DMPK: variants seen among roughly 807,000 people sequenced by gnomAD.
DMPK encodes myotonin-protein kinase.
A neutral mutation model predicts 70.3 loss-of-function variants in DMPK; 32 were observed. The observed-to-expected ratio is 0.46, with a 90% CI of 0.34 to 0.61. The LOEUF is 0.61. DMPK is among the 20% of genes least tolerant of loss of function. DMPK has a pLI of 0.01. For missense variants in DMPK, 899 were observed against 886.0 expected (o/e 1.01, Z -0.19); for synonymous variants, 469 against 390.9 (o/e 1.20, Z -2.36).
rs202071119 is a variant in DMPK, at chr19:45,771,335, A to G, written c.1647+15T>C. On this transcript the variant is annotated intron_variant, in intron 13 of 14. Coordinates refer to ENST00000291270, the MANE Select transcript of DMPK (RefSeq NM_004409.5). ...GGGCAGCAGGTCTGAGGCAGGGGAA[A>G]GAGAGGGGTCTTACATGGGAAGGTG... The G allele has an allele frequency of 5.5e-5, 88 of 1,585,780 alleles. 1 individual carries two copies. Among genetic ancestry groups the G allele is most frequent in the Admixed American group, 4.9e-4 (25 of 51,264 alleles).
At chr19:45,775,522 G>GTT (rs1228015501) in intron 8 of DMPK, among the ~76,000 whole-genome samples, 1 of 95,256 alleles carries the variant, frequency 1.0e-5, no homozygotes, top group Non-Finnish European at 2.2e-5. Context: ...GCCCAGTTCT[G>GTT]TTTTTTTTTT....
chr19:45,772,026 T>G, intron 10 of DMPK, 98 bp from the exon 11 acceptor site: 1 of 1,408,524 alleles, frequency 7.1e-7, no homozygotes, highest in Non-Finnish European at 9.4e-7. Context: ...TATCCCCTAC[T>G]CCTCCGTCCC....
chr19:45,780,040 G>A, intron 1 of DMPK, 171 bp from the exon 2 acceptor site: 1 of 1,540,646 alleles, frequency 6.5e-7, no homozygotes, highest in Non-Finnish European at 8.8e-7. Context: ...AGGTTCTGGG[G>A]GCCAAAAATG....
chr19:45,782,171 A>T, intron 1 of DMPK, 22 bp downstream of exon 1: 1 of 1,039,236 alleles, frequency 9.6e-7, no homozygotes, highest in Non-Finnish European at 1.2e-6. Flanking sequence ...CATCTGCAGG[A>T]GCCCCGAGGG....
intron 10 of DMPK, 39 bp downstream of exon 10, chr19:45,772,602 A>T: frequency 1.4e-6 from 2 of 1,396,442 alleles, no homozygotes; most frequent in African/African-American, 1.5e-5. Flanking sequence ...TTTCTCTCCC[A>T]ATTGTCCCTG....
At chr19:45,770,772 TTG>T (rs1304471017) in intron 14 of DMPK, 132 bp from the exon 15 acceptor site, 40 of 1,141,696 alleles carry the variant, frequency 3.5e-5, no homozygotes, top group Middle Eastern at 5.5e-4. Flanking sequence ...CCTACAGCTG[TTG>T]TTAGTCCACT....
rs989128105 is a variant in DMPK at position 45,770,350 on chromosome 19, G to A, written c.*138C>T. 8.9e-6 allele frequency: 11 copies of A among 1,233,024 alleles called. No individual in the cohort carries two copies. Among genetic ancestry groups the A allele is most frequent in the East Asian group, 2.5e-5 (1 of 39,244 alleles). The allele number at this position is 1,233,024 out of a possible 1,614,324, so 76.4% of individuals were successfully genotyped here. ...TCCCCGGCCGCTAGGGGGCGGGCCCGGATCACAGGACTGGAGCTGGGCGGA... is the reference window on the plus strand; with the variant it reads ...TCCCCGGCCGCTAGGGGGCGGGCCCAGATCACAGGACTGGAGCTGGGCGGA... On this transcript the variant is annotated 3_prime_UTR_variant, in exon 15 of 15. Coordinates refer to ENST00000291270, the MANE Select transcript of DMPK (RefSeq NM_004409.5).
chr19:45,778,017 T>C, intron 6 of DMPK, 110 bp downstream of exon 6: 2 of 1,229,502 alleles, frequency 1.6e-6, no homozygotes, highest in Non-Finnish European at 1.2e-6. Context: ...CACTTAAGCC[T>C]GGGTCACACC....
chr19:45,771,201 G>C (rs1459719539), intron 13 of DMPK, 141 bp from the exon 14 acceptor site: 3 of 1,226,138 alleles, frequency 2.4e-6, no homozygotes, highest in African/African-American at 1.5e-5. Context: ...TGAACGGAGG[G>C]AGATCTGGGG....
chr19:45,770,225 GC>G lies in DMPK; in HGVS notation c.*262del. 2 of 146,492 alleles carry G rather than the reference GC, an allele frequency of 1.4e-5. 1 individual carries two copies. Among genetic ancestry groups the G allele is most frequent in the Non-Finnish European group, 1.6e-5 (2 of 124,058 alleles). 9.1% of individuals were successfully genotyped at this position (146,492 alleles called of 1,614,324 possible). On this transcript the variant is annotated 3_prime_UTR_variant, in exon 15 of 15. Transcript: ENST00000291270. The stretch of plus-strand genomic sequence containing the variant: ...CCCCCCAGCAGCAGCAGCAGCAGCA[GC>G]AGCAGCAGCAGCAGCAGCAGCAGCA...
In DMPK at chr19:45,777,751, T is replaced by C; in HGVS notation, c.798A>G (p.Val266=). The change falls in exon 7 of 15, where the codon GTA becomes GTG. Residue 266 remains valine, a synonymous_variant. Transcript: ENST00000291270. This position sits in a 1 kb window ranked among gnomAD's most constrained non-coding sequence, Gnocchi z 6.7. ...GPECDWWALG[V]FAYEMFYGQT... ...GCCCATAGAACATTTCATAGGCGAA[T>C]ACACCCAGCGCCCACCAGTCACACT... The C allele has an allele frequency of 1.9e-6, 3 of 1,613,424 alleles. No homozygotes were observed. The highest frequency in any genetic ancestry group is 2.5e-6 in the Non-Finnish European group (3 of 1,180,018).
intron 1 of DMPK, 168 bp from the exon 2 acceptor site, chr19:45,780,037 G>A (rs1970031379): frequency 6.5e-7 from 1 of 1,542,758 alleles, no homozygotes. Flanking sequence ...GTAAGGTTCT[G>A]GGGGCCAAAA....
rs1472741230 is a variant in DMPK at position 45,777,248 on chromosome 19, T to C, written c.1146+79A>G. 3 of 1,459,212 alleles carry C rather than the reference T, an allele frequency of 2.1e-6. No homozygotes were observed. The highest frequency in any genetic ancestry group is 2.7e-6 in the Non-Finnish European group (3 of 1,106,086). 90.4% of individuals were successfully genotyped at this position (1,459,212 alleles called of 1,614,324 possible). A position where few individuals can be genotyped will look rare whatever the true frequency, so the allele number is the denominator to read the frequency against. On this transcript the variant is annotated intron_variant, in intron 8 of 14. Transcript: ENST00000291270. This position sits in a 1 kb window ranked among gnomAD's most constrained non-coding sequence, Gnocchi z 6.7. ...ATGAGTGATTCAGGACCCCAGAAGG[T>C]AGGCACTGTCCTTACTCCAACTTTA...
At chr19:45,781,774 G>A (rs988826704) in intron 1 of DMPK, among the ~76,000 whole-genome samples, 1 of 152,136 alleles carries the variant, frequency 6.6e-6, no homozygotes, top group Non-Finnish European at 1.5e-5. Flanking sequence ...CCCCATGCTG[G>A]CCCTCCTGGC....
Position 45,779,287 on chromosome 19 carries a change from C to T in DMPK, c.409G>A (p.Ala137Thr), listed in dbSNP as rs774435498. The T allele has an allele frequency of 8.1e-6, 13 of 1,614,010 alleles. No homozygotes were observed. The highest frequency in any genetic ancestry group is 4.5e-5 in the East Asian group (2 of 44,880). ...DRRWITQLHF[A>T]FQDENYLYLV... The stretch of plus-strand genomic sequence containing the variant: ...ACCAGGTAGTTCTCATCCTGGAAGG[C>T]GAAGTGCAGCTGCGTGATCCACCGC... Residue 137 changes from alanine (A) to threonine (T), a missense_variant, in exon 4 of 15, where the codon GCC becomes ACC. Ala to Thr is a moderately conservative substitution (Grantham distance 58, BLOSUM62 0). This residue lies in a region of DMPK where 195 missense variants were observed against 259.7 expected (regional missense o/e 0.75). Coordinates refer to ENST00000291270, the MANE Select transcript of DMPK (RefSeq NM_004409.5).
chr19:45,772,366 T>C (rs753086131), intron 10 of DMPK: 19 of 390,296 alleles, frequency 4.9e-5, no homozygotes, highest in Non-Finnish European at 7.3e-5. Flanking sequence ...GCCTGACCAC[T>C]TGGCACCTTT....
At chr19:45,779,418 C>G (rs970170368) in intron 3 of DMPK, 21 bp downstream of exon 3, 17 of 1,613,948 alleles carry the variant, frequency 1.1e-5, no homozygotes, top group Middle Eastern at 3.3e-4. Flanking sequence ...CAAAGCCCCC[C>G]ACGTCCGCCC....
At chr19:45,776,412 A>T (rs1180255378) in intron 8 of DMPK, among the ~76,000 whole-genome samples, 1 of 149,404 alleles carries the variant, frequency 6.7e-6, no homozygotes, top group Non-Finnish European at 1.5e-5. Context: ...CAAAGTGCTG[A>T]GATTACAGGC....
At chr19:45,772,472 G>GT in intron 10 of DMPK, 169 bp downstream of exon 10, 1 of 512,664 alleles carries the variant, frequency 2.0e-6, no homozygotes, top group Non-Finnish European at 3.4e-6. Flanking sequence ...ATGCCCCACT[G>GT]TAACTACAGA....
Sources: allele counts gnomAD v4.1 joint callset (sites outside exome capture counted in the v4.1 genomes callset), GRCh38; gene constraint gnomAD v4.1.1; regional missense constraint gnomAD v4.1.1; non-coding constraint Gnocchi (gnomAD v3.1); transcripts MANE v1.5; gene names NCBI Gene and HGNC (gene_info 2026-07-23, HGNC 2026-07-21).